Variants in RASSF3 observed in about 807,000 individuals in gnomAD.
RASSF3 encodes Ras association domain family member 3.
RASSF3 carries 19 observed loss-of-function variants against 19.9 expected under a neutral mutation model. The ratio of observed to expected loss-of-function variants is 0.96; its 90% CI spans 0.67 to 1.40. The LOEUF is 1.40. RASSF3 is among the 40% of genes most tolerant of loss of function. The pLI, the probability that RASSF3 is intolerant of heterozygous loss-of-function variation, is 0.00. For missense variants in RASSF3, 306 were observed against 289.8 expected (o/e 1.06, Z -0.41); for synonymous variants, 110 against 104.2 (o/e 1.06, Z -0.34).
chr12:64,693,121 T>G (rs1868308214), intron 4 of RASSF3, among the ~76,000 whole-genome samples: 1 of 151,852 alleles, frequency 6.6e-6, no homozygotes, highest in South Asian at 2.1e-4. Flanking sequence ...CGTAGAAGTT[T>G]TGCTCTCCTA....
intron 1 of RASSF3, among the ~76,000 whole-genome samples, chr12:64,520,748 A>G (rs1276781576): frequency 1.3e-5 from 2 of 151,502 alleles, no homozygotes; most frequent in Non-Finnish European, 2.9e-5. Context: ...TGGAAAAAAA[A>G]GAGAAGGACC....
In RASSF3 at chr12:64,528,040, C is replaced by T. The variant is rs371093520; in HGVS notation, c.170-13541C>T. Reference sequence around the variant, plus strand: ...TTGGGAGGCCAAGGCAGGAGAACCACTCGCATCCAGGAGTTTGAGACCACT... The same window carrying T: ...TTGGGAGGCCAAGGCAGGAGAACCATTCGCATCCAGGAGTTTGAGACCACT... On this transcript the variant is annotated intron_variant, in intron 1 of 5. Coordinates refer to the RASSF3 transcript ENST00000637125. Among the ~76,000 whole-genome samples, 20 of 152,314 alleles carry T rather than the reference C, an allele frequency of 1.3e-4. No individual in the cohort carries two copies. In the South Asian group the frequency reaches 3.9e-3, roughly 30 times the overall value.
chr12:64,694,782 C>T lies in RASSF3; in HGVS notation c.587C>T (p.Pro196Leu). The T allele has an allele frequency of 6.2e-7, 1 of 1,614,190 alleles. No homozygotes were observed. Among genetic ancestry groups the T allele is most frequent in the Non-Finnish European group, 8.5e-7 (1 of 1,180,028 alleles). ...TGACAGTGGGAAGCCTTCAGCCTTC[C>T]AGAACTACAGAATTTCTTGCGCATC... ...EIGEWEAFSLPELQNFLRILD... is the reference protein window; with the variant it reads ...EIGEWEAFSLLELQNFLRILD... The change falls in exon 5 of 5, where the codon CCA (proline) becomes CTA (leucine). Residue 196 changes from proline (P) to leucine (L), a missense_variant. Pro to Leu is a moderately conservative substitution (Grantham distance 98). Transcript: ENST00000542104.
intron 2 of RASSF3, among the ~76,000 whole-genome samples, chr12:64,579,163 G>C (rs1282968169): frequency 2.0e-5 from 3 of 152,076 alleles, no homozygotes; most frequent in Non-Finnish European, 4.4e-5. Context: ...TGGGGTACCA[G>C]CTGAACCTAC....
chr12:64,604,792 C>T (rs968340472), intron 2 of RASSF3, among the ~76,000 whole-genome samples: 8 of 150,622 alleles, frequency 5.3e-5, no homozygotes, highest in African/African-American at 2.0e-4. Context: ...CGCCCGCCAC[C>T]GTGCCCAGCT....
At chr12:64,526,922 C>T (rs574027742) in intron 1 of RASSF3, among the ~76,000 whole-genome samples, 1 of 152,156 alleles carries the variant, frequency 6.6e-6, no homozygotes, top group African/African-American at 2.4e-5. Context: ...GCTTATTGCA[C>T]TGAACTTCTC....
intron 2 of RASSF3, among the ~76,000 whole-genome samples, chr12:64,604,623 T>C (rs931611737): frequency 6.6e-6 from 1 of 152,038 alleles, no homozygotes; most frequent in African/African-American, 2.4e-5. Flanking sequence ...GCTACCAGGC[T>C]GATGTAACCA....
intron 1 of RASSF3, among the ~76,000 whole-genome samples, chr12:64,668,743 G>A (rs543060952): frequency 3.4e-5 from 5 of 148,448 alleles, no homozygotes; most frequent in Non-Finnish European, 4.4e-5. Context: ...GTGCAGTGGC[G>A]CGATCTCGGC....
At chr12:64,602,672 G>A (rs1870113394) in intron 2 of RASSF3, among the ~76,000 whole-genome samples, 1 of 151,960 alleles carries the variant, frequency 6.6e-6, no homozygotes, top group Non-Finnish European at 1.5e-5. Flanking sequence ...ACCACGCTGA[G>A]CCCAGGAGTT....
chr12:64,635,976 T>G (rs894435750), intron 1 of RASSF3, among the ~76,000 whole-genome samples: 2 of 152,226 alleles, frequency 1.3e-5, no homozygotes, highest in African/African-American at 4.8e-5. Flanking sequence ...TCCGAAACTA[T>G]ATTTCTTATG....
chr12:64,575,111 G>C (rs994938016), intron 2 of RASSF3, among the ~76,000 whole-genome samples: 1 of 152,146 alleles, frequency 6.6e-6, no homozygotes, highest in African/African-American at 2.4e-5. Context: ...AAGAAAGAAA[G>C]CTGTCATTTA....
chr12:64,522,883 A>G (rs1868508053), intron 1 of RASSF3, among the ~76,000 whole-genome samples: 1 of 152,066 alleles, frequency 6.6e-6, no homozygotes, highest in Non-Finnish European at 1.5e-5. Context: ...GTGTATCTTC[A>G]TTTCCATTCC....
downstream of RASSF3, among the ~76,000 whole-genome samples, chr12:64,546,129 A>G (rs1869050148): frequency 6.6e-6 from 1 of 151,866 alleles, no homozygotes; most frequent in Admixed American, 6.6e-5. Context: ...AAGAATGCCA[A>G]AAATGCCACT....
At chr12:64,606,208 A>G (rs1328649449), upstream of RASSF3, among the ~76,000 whole-genome samples, 2 of 152,150 alleles carry the variant, frequency 1.3e-5, no homozygotes, top group Non-Finnish European at 2.9e-5. Context: ...GTCCATGCCT[A>G]AAGCAATCCC....
chr12:64,673,319 G>A (rs1159711470), intron 1 of RASSF3, among the ~76,000 whole-genome samples: 1 of 152,128 alleles, frequency 6.6e-6, no homozygotes, highest in Non-Finnish European at 1.5e-5. Flanking sequence ...TATGTTGTCA[G>A]TCTCACTTCC....
At chr12:64,546,970 G>A (rs1232691489) in intron 2 of RASSF3, among the ~76,000 whole-genome samples, 1 of 152,178 alleles carries the variant, frequency 6.6e-6, no homozygotes, top group Non-Finnish European at 1.5e-5. Flanking sequence ...TTGATATGGA[G>A]AGGACATTGA....
intron 2 of RASSF3, among the ~76,000 whole-genome samples, chr12:64,567,842 G>C (rs1869455141): frequency 6.6e-6 from 1 of 152,250 alleles, no homozygotes; most frequent in Non-Finnish European, 1.5e-5. Flanking sequence ...ATCTGTCCCT[G>C]CTGCCCAGGC....
intron 2 of RASSF3, among the ~76,000 whole-genome samples, chr12:64,687,481 G>GT (rs540514472): frequency 0.011 from 1,514 of 142,952 alleles, 16 homozygotes; most frequent in African/African-American, 0.03. Context: ...TTTGTTTTTT[G>GT]TTTTTTTTTT....
At chr12:64,620,591 T>G (rs893150982) in intron 1 of RASSF3, among the ~76,000 whole-genome samples, 1 of 152,244 alleles carries the variant, frequency 6.6e-6, no homozygotes, top group African/African-American at 2.4e-5. Context: ...CAGCTGTCAT[T>G]TTGTTGTCTA....
Sources: gnomAD v4.1 joint callset for allele counts (sites outside exome capture counted in the v4.1 genomes callset) on GRCh38, gnomAD v4.1.1 for gene constraint, MANE v1.5 for transcripts, NCBI Gene and HGNC (gene_info 2026-07-23, HGNC 2026-07-21) for gene names.